Variants in AGBL1 observed in about 807,000 individuals in gnomAD.
AGBL1 encodes cytosolic carboxypeptidase 4.
Under a neutral mutation model 118.9 loss-of-function variants are expected in AGBL1, and 130 were observed. The ratio of observed to expected loss-of-function variants is 1.09; its 90% CI spans 0.95 to 1.26. The LOEUF (loss-of-function observed/expected upper bound fraction) is 1.26. AGBL1 is among the 50% of genes most tolerant of loss of function. The pLI, the probability that AGBL1 is intolerant of heterozygous loss-of-function variation, is 0.00. For synonymous variants in AGBL1, 555 were observed against 478.9 expected (o/e 1.16, Z -2.08); for missense variants, 1,584 against 1,298.1 (o/e 1.22, Z -3.38).
intron 22 of AGBL1, among the ~76,000 whole-genome samples, chr15:86,715,305 T>C (rs999152091): frequency 1.6e-4 from 24 of 152,196 alleles, no homozygotes; most frequent in Non-Finnish European, 2.8e-4. Context: ...ATTATCCTTA[T>C]CACCCAGCGG....
Position 86,548,659 on chromosome 15 carries a change from G to GCACACA in AGBL1, c.2817+2529_2817+2530insACACAC, listed in dbSNP as rs1383976995. Among the ~76,000 whole-genome samples, 644 of 101,008 alleles carry GCACACA rather than the reference G, an allele frequency of 6.4e-3. 4 individuals are homozygous for GCACACA. Among genetic ancestry groups the GCACACA allele is most frequent in the African/African-American group, 0.026 (599 of 22,976 alleles). The allele number at this position is 101,008 out of a possible 152,430, so 66.3% of individuals were successfully genotyped here. A position where few individuals can be genotyped will look rare whatever the true frequency, so the allele number is the denominator to read the frequency against. On this transcript the variant is annotated intron_variant, in intron 20 of 22. Transcript: ENST00000614907. ...GAAGGATAGCCACACACACACACAT[G>GCACACA]CACGCACACACACACACACACACAC... is the stretch of plus-strand genomic sequence containing the variant.
At chr15:86,583,583 A>T (rs1302572884) in intron 21 of AGBL1, among the ~76,000 whole-genome samples, 1 of 152,062 alleles carries the variant, frequency 6.6e-6, no homozygotes, top group Non-Finnish European at 1.5e-5. Flanking sequence ...TCCACTGCTG[A>T]TGGGCGCTTA....
chr15:86,868,889 G>A (rs138711089), intron 22 of AGBL1, among the ~76,000 whole-genome samples: 94 of 152,284 alleles, frequency 6.2e-4, no homozygotes, highest in African/African-American at 2.2e-3. Flanking sequence ...GAAACAACGG[G>A]TATGAATTAA....
intron 18 of AGBL1, among the ~76,000 whole-genome samples, chr15:86,456,620 A>G (rs1290174562): frequency 6.6e-6 from 1 of 152,200 alleles, no homozygotes; most frequent in African/African-American, 2.4e-5. Context: ...TTGGGGCAAT[A>G]GTCCCCAAGG....
At chr15:86,917,895 A>C (rs759616861), downstream of AGBL1, among the ~76,000 whole-genome samples, 1 of 152,036 alleles carries the variant, frequency 6.6e-6, no homozygotes, top group African/African-American at 2.4e-5. This position sits in a 1 kb window ranked among gnomAD's most constrained non-coding sequence, Gnocchi z 4.8. Context: ...ATTGAATTTT[A>C]AGTTGTTCTC....
chr15:86,575,197 G>A (rs1315480611), intron 21 of AGBL1, among the ~76,000 whole-genome samples: 1 of 151,230 alleles, frequency 6.6e-6, no homozygotes, highest in Non-Finnish European at 1.5e-5. Context: ...TCAAAAGAAA[G>A]AAAAAAGTTA....
rs150563760 is a variant in AGBL1 at position 86,786,308 on chromosome 15, G to T, written c.3158+111872G>T. On this transcript the variant is annotated intron_variant, in intron 22 of 22. Transcript: ENST00000614907. Reference sequence around the variant, plus strand: ...AGTGTGATGTTCCCCTGATTCTTCCGGGACTAACACTTGTGTCAAAGCCTT... The same window carrying T: ...AGTGTGATGTTCCCCTGATTCTTCCTGGACTAACACTTGTGTCAAAGCCTT... 5.9e-5 allele frequency among the ~76,000 whole-genome samples: 9 copies of T among 151,458 alleles called. No homozygotes were observed. In the South Asian group the frequency reaches 1.5e-3, roughly 25 times the overall value.
chr15:86,307,431 G>GC lies in AGBL1; in HGVS notation c.2374+12023_2374+12024insC, dbSNP rs1555464287. On this transcript the variant is annotated intron_variant, in intron 17 of 22. Coordinates refer to ENST00000614907, the MANE Select transcript of AGBL1 (RefSeq NM_001386094.1). ...CTGTCACCTCTTTTTAAATTTGTTA[G>GC]TTTTTTTTTGCTTAATTTTCATGGA... Among the ~76,000 whole-genome samples, 51 of 150,446 alleles carry GC rather than the reference G, an allele frequency of 3.4e-4. No homozygotes were observed. In the South Asian group the frequency reaches 0.01, roughly 31 times the overall value.
At position 86,269,361 on chromosome 15, in the gene AGBL1, A is replaced by G. The variant is rs188960309; in HGVS notation, c.1839-558A>G. On this transcript the variant is annotated intron_variant, in intron 13 of 22. Coordinates refer to ENST00000614907, the MANE Select transcript of AGBL1 (RefSeq NM_001386094.1). ...CCGTATGTGGAAATTGAGGCTCAAA[A>G]GTAACGTTGATCTCAAATAGCAATG... 4.7e-4 allele frequency among the ~76,000 whole-genome samples: 72 copies of G among 152,366 alleles called. 1 individual carries two copies. Among genetic ancestry groups the G allele is most frequent in the Admixed American group, 4.1e-3 (63 of 15,310 alleles).
intron 22 of AGBL1, among the ~76,000 whole-genome samples, chr15:86,730,746 G>A (rs747378131): frequency 2.6e-5 from 4 of 152,178 alleles, no homozygotes; most frequent in Non-Finnish European, 4.4e-5. Flanking sequence ...AAGTGGTAAA[G>A]AGAACACAAA....
intron 17 of AGBL1, among the ~76,000 whole-genome samples, chr15:86,376,744 A>G (rs1472173860): frequency 1.3e-5 from 2 of 152,206 alleles, no homozygotes; most frequent in East Asian, 1.9e-4. Flanking sequence ...TCAAGCTCTC[A>G]TCTTAAGTCA....
rs1415307184 is a variant in AGBL1, at chr15:86,526,573, T to TATATATAC, written c.2685+3635_2685+3636insTATATACA. ...ATATATATATATATATATATATATA[T>TATATATAC]ACACACAGAGTATATATATGTATAT... On this transcript the variant is annotated intron_variant, in intron 19 of 22. Coordinates refer to ENST00000614907, the MANE Select transcript of AGBL1 (RefSeq NM_001386094.1). Among the ~76,000 whole-genome samples the TATATATAC allele has an allele frequency of 4.1e-3, 478 of 117,516 alleles. 3 individuals are homozygous for TATATATAC. Among genetic ancestry groups the TATATATAC allele is most frequent in the African/African-American group, 0.014 (406 of 28,412 alleles). 77.1% of individuals were successfully genotyped at this position (117,516 alleles called of 152,430 possible).
chr15:86,724,623 T>G (rs2086791609), intron 22 of AGBL1, among the ~76,000 whole-genome samples: 1 of 152,134 alleles, frequency 6.6e-6, no homozygotes, highest in South Asian at 2.1e-4. Flanking sequence ...CATAAAATGT[T>G]GCTATAATTT....
intron 1 of AGBL1, among the ~76,000 whole-genome samples, chr15:86,093,354 C>G (rs752123192): frequency 3.3e-5 from 5 of 152,112 alleles, no homozygotes; most frequent in Non-Finnish European, 7.4e-5. Flanking sequence ...TGTATTAATT[C>G]TACAAGTGAT....
At chr15:86,273,816 C>T (rs1257148955) in intron 15 of AGBL1, among the ~76,000 whole-genome samples, 2 of 151,916 alleles carry the variant, frequency 1.3e-5, no homozygotes, top group African/African-American at 2.4e-5. Flanking sequence ...AACTGTGAGC[C>T]GTGGTACCTG....
At chr15:86,195,213 C>T (rs1180283795) in intron 5 of AGBL1, among the ~76,000 whole-genome samples, 1 of 152,158 alleles carries the variant, frequency 6.6e-6, no homozygotes, top group African/African-American at 2.4e-5. Flanking sequence ...AGATGTTAAT[C>T]ATAACATCCC....
At chr15:86,425,005 A>G (rs1358282322) in intron 18 of AGBL1, among the ~76,000 whole-genome samples, 3 of 152,244 alleles carry the variant, frequency 2.0e-5, no homozygotes, top group African/African-American at 7.2e-5. Context: ...ATCTAGAACC[A>G]GAAATACCAC....
At chr15:86,717,659 A>G (rs2086657902) in intron 22 of AGBL1, among the ~76,000 whole-genome samples, 1 of 151,922 alleles carries the variant, frequency 6.6e-6, no homozygotes, top group Admixed American at 6.6e-5. Context: ...CCCTGGAAGC[A>G]TGTTTGTATT....
At chr15:86,121,228 T>G (rs1247730710) in intron 1 of AGBL1, among the ~76,000 whole-genome samples, 3 of 152,040 alleles carry the variant, frequency 2.0e-5, no homozygotes, top group African/African-American at 7.2e-5. Context: ...ATAGAAAGGG[T>G]CTATGGTCAT....
Sources: allele counts gnomAD v4.1 joint callset (sites outside exome capture counted in the v4.1 genomes callset), GRCh38; gene constraint gnomAD v4.1.1; non-coding constraint Gnocchi (gnomAD v3.1); transcripts MANE v1.5; gene names NCBI Gene and HGNC (gene_info 2026-07-23, HGNC 2026-07-21).